Variants in SDK1 observed in about 807,000 individuals in gnomAD.
SDK1 encodes the protein protein sidekick-1.
Under a neutral mutation model 245.5 loss-of-function variants are expected in SDK1, and 157 were observed. That is an observed-to-expected ratio of 0.64 (90% CI 0.56 to 0.73). The LOEUF (loss-of-function observed/expected upper bound fraction) is 0.73, where lower values mean the gene tolerates loss of function less well. SDK1 is among the 30% of genes least tolerant of loss of function. SDK1 has a pLI of 0.00. For synonymous variants in SDK1, 1,647 were observed against 1,278.5 expected, an observed-to-expected ratio of 1.29 and a Z score of -6.15; for missense variants, 3,583 against 3,002.3, an observed-to-expected ratio of 1.19 and a Z score of -4.52.
intron 1 of SDK1, among the ~76,000 whole-genome samples, chr7:3,419,875 C>T (rs1779489404): frequency 6.6e-6 from 1 of 152,142 alleles, no homozygotes; most frequent in Admixed American, 6.5e-5. Context: ...GTTTCACAAT[C>T]AAAAGGGCAA....
chr7:3,795,851 T>C (rs1778948856), intron 4 of SDK1, among the ~76,000 whole-genome samples: 1 of 152,204 alleles, frequency 6.6e-6, no homozygotes, highest in African/African-American at 2.4e-5. Context: ...TGAAATTGAC[T>C]GATTTTGCTC....
chr7:3,659,900 G>A (rs901374127), intron 4 of SDK1, among the ~76,000 whole-genome samples: 33 of 152,186 alleles, frequency 2.2e-4, no homozygotes, highest in Non-Finnish European at 4.0e-4. Context: ...GGATGTAGTG[G>A]AGTTAAGCTT....
Position 4,137,706 on chromosome 7 carries a change from G to A in SDK1, c.4228+5283G>A, listed in dbSNP as rs540268451. ...GGCTCCTCGTAAGCCGCATTTTACT[G>A]CTGCTATTGATTCGGCCTGTTCATT... On this transcript the variant is annotated intron_variant, in intron 28 of 44. Transcript: ENST00000404826. Among the ~76,000 whole-genome samples, 3 of 152,320 alleles carry A rather than the reference G, an allele frequency of 2.0e-5. No homozygotes were observed. The South Asian group carries it at 6.2e-4, about 32-fold the overall frequency.
At chr7:3,613,349 A>G (rs986144366) in intron 1 of SDK1, among the ~76,000 whole-genome samples, 1 of 152,210 alleles carries the variant, frequency 6.6e-6, no homozygotes, top group African/African-American at 2.4e-5. Flanking sequence ...GTAACATTAA[A>G]TACATTTACA....
At chr7:3,393,251 T>C (rs1057502783) in intron 1 of SDK1, among the ~76,000 whole-genome samples, 2 of 151,996 alleles carry the variant, frequency 1.3e-5, no homozygotes, top group Admixed American at 1.3e-4. Flanking sequence ...GGATTACAGG[T>C]ATAAGCCACC....
intron 1 of SDK1, among the ~76,000 whole-genome samples, chr7:3,501,972 A>G (rs1021363513): frequency 6.6e-6 from 1 of 152,150 alleles, no homozygotes; most frequent in Admixed American, 6.5e-5. Context: ...AGAACTTTAT[A>G]TGTTTGTTTT....
intron 22 of SDK1, among the ~76,000 whole-genome samples, chr7:4,082,096 G>A (rs1482190754): frequency 6.6e-6 from 1 of 152,194 alleles, no homozygotes; most frequent in African/African-American, 2.4e-5. Flanking sequence ...TGGGACCCTT[G>A]TGGTTACTTA....
At chr7:4,237,875 C>T in intron 42 of SDK1, 91 bp downstream of exon 42, 2 of 1,452,076 alleles carry the variant, frequency 1.4e-6, no homozygotes, top group Non-Finnish European at 1.9e-6. Flanking sequence ...GGGCCCGTGT[C>T]TGCTTTTCCA....
At chr7:3,841,915 G>C (rs540156844) in intron 5 of SDK1, among the ~76,000 whole-genome samples, 72 of 152,234 alleles carry the variant, frequency 4.7e-4, no homozygotes, top group African/African-American at 1.7e-3. Flanking sequence ...CGACCCATTG[G>C]GTGGTGGAAA....
chr7:4,166,843 C>T (rs1312471952), intron 32 of SDK1, among the ~76,000 whole-genome samples: 3 of 152,218 alleles, frequency 2.0e-5, no homozygotes, highest in Non-Finnish European at 2.9e-5. Flanking sequence ...CCCTGCTGCT[C>T]CCCTACCTCA....
intron 5 of SDK1, among the ~76,000 whole-genome samples, chr7:3,886,642 ATGG>A (rs1486561695): frequency 6.6e-6 from 1 of 152,234 alleles, no homozygotes; most frequent in Admixed American, 6.5e-5. Flanking sequence ...TTGGCCAGAC[ATGG>A]TGGTAACACC....
At chr7:3,956,765 G>A (rs1466107481) in intron 7 of SDK1, among the ~76,000 whole-genome samples, 3 of 152,024 alleles carry the variant, frequency 2.0e-5, no homozygotes, top group African/African-American at 7.3e-5. Context: ...TGGCTAGGGT[G>A]GAGAGAGGTC....
rs527874710 is a variant in SDK1 at position 3,826,912 on chromosome 7, G to A, written c.847+5329G>A. ...GAGTTTTAGAAGAGGAGTGTAGCTG[G>A]TGGCTCCCAGCAAGACTTCACTCAC... On this transcript the variant is annotated intron_variant, in intron 5 of 44. Transcript: ENST00000404826. Among the ~76,000 whole-genome samples, 3 of 152,182 alleles carry A rather than the reference G, an allele frequency of 2.0e-5. No homozygotes were observed. The South Asian group carries it at 6.2e-4, about 32-fold the overall frequency.
intron 1 of SDK1, among the ~76,000 whole-genome samples, chr7:3,457,107 G>C (rs146420566): frequency 6.6e-6 from 1 of 152,296 alleles, no homozygotes; most frequent in East Asian, 1.9e-4. Flanking sequence ...GCGGTTCTCT[G>C]TTGTCCGCTT....
At chr7:4,211,747 C>G (rs1466089537) in intron 38 of SDK1, among the ~76,000 whole-genome samples, 1 of 152,084 alleles carries the variant, frequency 6.6e-6, no homozygotes, top group African/African-American at 2.4e-5. Flanking sequence ...GTAGCTGGGA[C>G]TACAGGCGCC....
At chr7:3,402,336 T>C (rs907627211) in intron 1 of SDK1, among the ~76,000 whole-genome samples, 4 of 152,168 alleles carry the variant, frequency 2.6e-5, no homozygotes, top group Non-Finnish European at 4.4e-5. Context: ...ACTTCAGTAG[T>C]TTTTATTGTG....
At chr7:3,435,590 C>T (rs1362717861) in intron 1 of SDK1, among the ~76,000 whole-genome samples, 2 of 151,862 alleles carry the variant, frequency 1.3e-5, no homozygotes, top group African/African-American at 2.4e-5. Flanking sequence ...GTTTCGAACT[C>T]CTGAGCTCAG....
chr7:3,790,066 C>T (rs951066574), intron 4 of SDK1, among the ~76,000 whole-genome samples: 2 of 152,102 alleles, frequency 1.3e-5, no homozygotes, highest in Non-Finnish European at 2.9e-5. Context: ...AGAAAGACCC[C>T]GTAGTCCAAA....
chr7:3,418,835 G>A (rs1476314596), intron 1 of SDK1, among the ~76,000 whole-genome samples: 4 of 152,062 alleles, frequency 2.6e-5, no homozygotes, highest in Admixed American at 6.5e-5. Flanking sequence ...ATTGTACACC[G>A]GGATCTCCCC....
Sources: gnomAD v4.1 joint callset for allele counts (sites outside exome capture counted in the v4.1 genomes callset) on GRCh38, gnomAD v4.1.1 for gene constraint, MANE v1.5 for transcripts, NCBI Gene and HGNC (gene_info 2026-07-23, HGNC 2026-07-21) for gene names.